UNC80: variants seen among roughly 807,000 people sequenced by gnomAD.
UNC80 encodes the protein protein unc-80 homolog.
Under a neutral mutation model 384.6 loss-of-function variants are expected in UNC80, and 164 were observed. The observed-to-expected ratio is 0.43, with a 90% CI of 0.38 to 0.49. UNC80 has a LOEUF of 0.49. UNC80 is among the 20% of genes least tolerant of loss of function. UNC80 has a pLI of 0.00. For missense variants in UNC80, 3,330 were observed against 4,143.0 expected (o/e 0.80, Z 5.39); for synonymous variants, 1,486 against 1,527.8 (o/e 0.97, Z 0.64).
chr2:209,971,394 A>G (rs754725420), intron 54 of UNC80, among the ~76,000 whole-genome samples: 3 of 150,894 alleles, frequency 2.0e-5, no homozygotes, highest in African/African-American at 4.9e-5. Context: ...GTTGAATATT[A>G]TGAGTGCTTT....
chr2:209,873,261 C>T (rs1343715393), intron 23 of UNC80, among the ~76,000 whole-genome samples: 2 of 152,150 alleles, frequency 1.3e-5, no homozygotes, highest in African/African-American at 4.8e-5. Context: ...ACCACTATTC[C>T]ATCTCACAGA....
chr2:209,801,481 C>G (rs2078549337), intron 7 of UNC80, among the ~76,000 whole-genome samples: 1 of 137,442 alleles, frequency 7.3e-6, no homozygotes, highest in Admixed American at 8.1e-5. Context: ...CTCTTGGATT[C>G]AAGCGATTCT....
intron 23 of UNC80, among the ~76,000 whole-genome samples, chr2:209,873,365 A>G (rs7581974): frequency 0.18 from 26,830 of 152,030 alleles, 3,312 homozygotes; most frequent in African/African-American, 0.35. Context: ...CCCTTATTTC[A>G]GTTTCTATTC....
intron 53 of UNC80, chr2:209,970,129 C>T (rs1479800883): frequency 4.2e-6 from 2 of 479,636 alleles, no homozygotes; most frequent in South Asian, 7.1e-5. Context: ...ACTACTTTGA[C>T]AATTCACCTC....
At chr2:209,927,885 A>T (rs2090559146) in intron 36 of UNC80, among the ~76,000 whole-genome samples, 1 of 152,326 alleles carries the variant, frequency 6.6e-6, no homozygotes, top group Middle Eastern at 3.4e-3. Flanking sequence ...ATCCCTAACA[A>T]TAAGCAATTA....
In UNC80 at chr2:209,910,463, C is replaced by G. The variant is rs773193675; in HGVS notation, c.4783-2097C>G. On this transcript the variant is annotated intron_variant, in intron 29 of 64. Transcript: ENST00000673920. ...TAAAAAAGAGTTACTAGCTTATCAC[C>G]TTGATGTGAAAGCCCTTGCAGCTTC... 2.0e-5 allele frequency among the ~76,000 whole-genome samples: 3 copies of G among 151,950 alleles called. No homozygotes were observed. The East Asian group carries it at 5.8e-4, about 30-fold the overall frequency.
chr2:209,835,140 A>C, intron 18 of UNC80, 130 bp downstream of exon 18: 1 of 668,810 alleles, frequency 1.5e-6, no homozygotes, highest in Non-Finnish European at 2.5e-6. Context: ...TACCCTTTAC[A>C]TTTCATTCCC....
At chr2:209,946,350 A>G (rs915202991) in intron 47 of UNC80, among the ~76,000 whole-genome samples, 1 of 151,550 alleles carries the variant, frequency 6.6e-6, no homozygotes, top group Non-Finnish European at 1.5e-5. Context: ...GGCCTAGGCA[A>G]CAGAGTAAGA....
chr2:209,898,361 C>T (rs2087017354), intron 28 of UNC80, among the ~76,000 whole-genome samples: 1 of 152,002 alleles, frequency 6.6e-6, no homozygotes, highest in South Asian at 2.1e-4. Context: ...TAAATATTAT[C>T]TAGAAGCAGT....
chr2:209,784,682 G>T (rs1261491006), intron 4 of UNC80, among the ~76,000 whole-genome samples: 1 of 152,182 alleles, frequency 6.6e-6, no homozygotes, highest in African/African-American at 2.4e-5. Flanking sequence ...CACTTTGTCT[G>T]ACACAGCCCT....
At position 209,772,996 on chromosome 2, in the gene UNC80, A is replaced by G. The variant is rs1183132923; in HGVS notation, c.93-98A>G. On this transcript the variant is annotated intron_variant, in intron 1 of 64. Coordinates refer to ENST00000673920, the MANE Select transcript of UNC80 (RefSeq NM_001371986.1). ...TAAGGAAGCATGAAATTTGAATTTC[A>G]TAGCATCCTGTCTTATTCATTGAAA... 22 of 972,092 alleles carry G rather than the reference A, an allele frequency of 2.3e-5. No individual in the cohort carries two copies. The South Asian group carries it at 3.1e-4, about 14-fold the overall frequency. The allele number at this position is 972,092 out of a possible 1,614,324, so 60.2% of individuals were successfully genotyped here.
At chr2:209,817,417 A>G (rs537349413) in intron 10 of UNC80, among the ~76,000 whole-genome samples, 2 of 151,634 alleles carry the variant, frequency 1.3e-5, no homozygotes, top group South Asian at 4.2e-4. Flanking sequence ...ATTAATTTCC[A>G]TTGTGAATCT....
intron 18 of UNC80, among the ~76,000 whole-genome samples, chr2:209,838,691 G>A (rs1020442451): frequency 1.4e-4 from 22 of 152,180 alleles, no homozygotes; most frequent in Admixed American, 7.2e-4. Flanking sequence ...GCTGGGCACG[G>A]TGGCTCATGC....
intron 25 of UNC80, among the ~76,000 whole-genome samples, chr2:209,887,729 A>G (rs772745780): frequency 6.6e-6 from 1 of 152,162 alleles, no homozygotes; most frequent in Non-Finnish European, 1.5e-5. Flanking sequence ...ATCCTTCAGT[A>G]CCTAACACAT....
chr2:209,994,154 C>T lies in UNC80; in HGVS notation c.9598C>T (p.Gln3200Ter). The part of the protein sequence containing the change: ...TDALPATGQL[Q>*]GCSPAPSRKP... ...TGCGCTTCCTGCAACAGGCCAACTA[C>T]AGGGCTGTAGCCCAGCCCCTTCTAG... Residue 3200 changes from glutamine (Q) to a stop codon, truncating the protein, a stop_gained, in exon 64 of 65, where the codon CAG (glutamine) becomes TAG (stop). Transcript: ENST00000673920. LOFTEE classifies it high-confidence loss of function. 1.3e-6 allele frequency: 2 copies of T among 1,551,556 alleles called. No homozygotes were observed. The highest frequency in any genetic ancestry group is 1.7e-6 in the Non-Finnish European group (2 of 1,146,928).
At chr2:209,783,721 G>A (rs1195382121) in intron 4 of UNC80, among the ~76,000 whole-genome samples, 2 of 152,060 alleles carry the variant, frequency 1.3e-5, no homozygotes, top group African/African-American at 4.8e-5. Context: ...AGTTTCCACA[G>A]GAGTTTTACT....
intron 29 of UNC80, among the ~76,000 whole-genome samples, chr2:209,909,391 A>G (rs2088644714): frequency 6.6e-6 from 1 of 152,202 alleles, no homozygotes; most frequent in South Asian, 2.1e-4. Context: ...AGCCTCAGGG[A>G]AATGAGAACC....
chr2:209,877,308 C>T (rs148688755), intron 23 of UNC80, among the ~76,000 whole-genome samples: 6 of 152,132 alleles, frequency 3.9e-5, no homozygotes, highest in Admixed American at 6.5e-5. Flanking sequence ...CTAAGAATAC[C>T]GTGTAAAAAC....
intron 50 of UNC80, 123 bp downstream of exon 50, chr2:209,959,277 C>A: frequency 7.7e-7 from 1 of 1,300,982 alleles, no homozygotes; most frequent in Non-Finnish European, 1.1e-6. Flanking sequence ...TGGGTAAACC[C>A]CCAAAAGTGG....
Sources: allele counts gnomAD v4.1 joint callset (sites outside exome capture counted in the v4.1 genomes callset), GRCh38; gene constraint gnomAD v4.1.1; transcripts MANE v1.5; gene names NCBI Gene and HGNC (gene_info 2026-07-23, HGNC 2026-07-21).